CX3CR1: variants seen among roughly 807,000 people sequenced by gnomAD.
The protein encoded by CX3CR1 is CX3C chemokine receptor 1.
For missense variants in CX3CR1, 363 were observed against 432.4 expected, an observed-to-expected ratio of 0.84 and a Z score of 1.42; for synonymous variants, 168 against 178.5, an observed-to-expected ratio of 0.94 and a Z score of 0.47.
rs1326403609 is a variant in CX3CR1, at chr3:39,264,090, G to A, written c.*1352C>T. The A allele has an allele frequency of 6.6e-6, 1 of 152,224 alleles. No homozygotes were observed. The highest frequency in any genetic ancestry group is 6.5e-5 in the Admixed American group (1 of 15,282). The allele number at this position is 152,224 out of a possible 1,614,324, so 9.4% of individuals were successfully genotyped here. A position where few individuals can be genotyped will look rare whatever the true frequency, so the allele number is the denominator to read the frequency against. ...AAGGTGACTGGGAGGGGATATTCAA[G>A]GCAGTCCAGGAGAGTTGGGTTACGG... On this transcript the variant is annotated 3_prime_UTR_variant, in exon 2 of 2. Transcript: ENST00000399220.
At chr3:39,269,791 G>T (rs919633534) in intron 1 of CX3CR1, among the ~76,000 whole-genome samples, 3 of 152,204 alleles carry the variant, frequency 2.0e-5, no homozygotes, top group African/African-American at 4.8e-5. Context: ...GAGTCTCTCA[G>T]TGCTGGCACA....
At chr3:39,273,125 T>C (rs1442387583) in intron 1 of CX3CR1, among the ~76,000 whole-genome samples, 1 of 152,248 alleles carries the variant, frequency 6.6e-6, no homozygotes, top group African/African-American at 2.4e-5. Context: ...TGCAGGATAT[T>C]GCAGGCCACT....
the CX3CR1 span, among the ~76,000 whole-genome samples, chr3:39,290,147 C>T: frequency 2.9e-4 from 44 of 152,298 alleles, no homozygotes; most frequent in South Asian, 7.7e-3. Flanking sequence ...GGAGCATGTC[C>T]TTAATGGGGA....
At chr3:39,291,327 G>A in the CX3CR1 span, among the ~76,000 whole-genome samples, 1 of 152,160 alleles carries the variant, frequency 6.6e-6, no homozygotes. Flanking sequence ...AAAGTGCTGG[G>A]ATTACAGGTG....
At chr3:39,276,502 T>C (rs1185968197) in intron 1 of CX3CR1, among the ~76,000 whole-genome samples, 5 of 152,202 alleles carry the variant, frequency 3.3e-5, no homozygotes, top group Admixed American at 2.0e-4. Flanking sequence ...AATTGTGCCT[T>C]TATCTCTAAA....
At chr3:39,271,830 A>G (rs1048903732) in intron 1 of CX3CR1, among the ~76,000 whole-genome samples, 1 of 152,238 alleles carries the variant, frequency 6.6e-6, no homozygotes, top group Non-Finnish European at 1.5e-5. Flanking sequence ...GCGCTTTTTA[A>G]GGAAGACTGA....
At chr3:39,289,090 G>T in the CX3CR1 span, among the ~76,000 whole-genome samples, 602 of 152,038 alleles carry the variant, frequency 4.0e-3, no homozygotes, top group African/African-American at 0.013. Context: ...GGAGGTGGAG[G>T]TTGCAGTGAG....
At chr3:39,279,771 A>G (rs2040875170) in intron 1 of CX3CR1, among the ~76,000 whole-genome samples, 183 bp downstream of exon 1, 1 of 152,232 alleles carries the variant, frequency 6.6e-6, no homozygotes, top group Admixed American at 6.5e-5. Context: ...GGTTGAGTGT[A>G]TTATAAATGA....
At chr3:39,266,779 G>T in intron 1 of CX3CR1, 1 of 666,362 alleles carries the variant, frequency 1.5e-6, no homozygotes, top group South Asian at 1.5e-5. Flanking sequence ...TGAGCATTTG[G>T]CTCTAGGCAT....
upstream of CX3CR1, among the ~76,000 whole-genome samples, chr3:39,284,384 A>T: frequency 6.6e-6 from 1 of 152,114 alleles, no homozygotes; most frequent in Non-Finnish European, 1.5e-5. Context: ...CTGGTCACGA[A>T]CTCCTGACCT....
chr3:39,281,321 C>T, upstream of CX3CR1: 1 of 910,578 alleles, frequency 1.1e-6, no homozygotes, highest in Non-Finnish European at 1.4e-6. Context: ...CCCCTCCCCA[C>T]CCCACACCAC....
At chr3:39,267,588 CA>C (rs1392155897) in intron 1 of CX3CR1, among the ~76,000 whole-genome samples, 1 of 152,134 alleles carries the variant, frequency 6.6e-6, no homozygotes. Flanking sequence ...CAGTCCCAGG[CA>C]AATCAGGACT....
chr3:39,278,935 T>C (rs2040868866), intron 1 of CX3CR1, among the ~76,000 whole-genome samples: 1 of 152,138 alleles, frequency 6.6e-6, no homozygotes, highest in Non-Finnish European at 1.5e-5. Context: ...TATAACAACA[T>C]ATATCAAAAT....
chr3:39,269,170 A>G (rs2125551464), intron 1 of CX3CR1, among the ~76,000 whole-genome samples: 1 of 151,976 alleles, frequency 6.6e-6, no homozygotes, highest in Middle Eastern at 3.4e-3. Flanking sequence ...AAAAAGTTCT[A>G]TATTTAATTC....
At chr3:39,271,103 G>C (rs1383474725) in intron 1 of CX3CR1, among the ~76,000 whole-genome samples, 1 of 152,176 alleles carries the variant, frequency 6.6e-6, no homozygotes, top group Non-Finnish European at 1.5e-5. Context: ...CCCAAGACTA[G>C]GAGTTCCTAA....
chr3:39,283,227 A>T (rs2040919335), upstream of CX3CR1, among the ~76,000 whole-genome samples: 1 of 152,116 alleles, frequency 6.6e-6, no homozygotes, highest in African/African-American at 2.4e-5. Flanking sequence ...ATATGTGAGG[A>T]GTTTGAGACA....
chr3:39,271,890 G>T (rs956747610), intron 1 of CX3CR1, among the ~76,000 whole-genome samples: 1 of 152,222 alleles, frequency 6.6e-6, no homozygotes, highest in Non-Finnish European at 1.5e-5. Context: ...GATGTTCAAG[G>T]TTTGGGAGCT....
upstream of CX3CR1, among the ~76,000 whole-genome samples, chr3:39,284,835 G>T (rs2040933845): frequency 6.6e-6 from 1 of 152,188 alleles, no homozygotes; most frequent in African/African-American, 2.4e-5. Flanking sequence ...AGCAAGAGGG[G>T]AGCCAAAGCA....
intron 1 of CX3CR1, among the ~76,000 whole-genome samples, chr3:39,268,646 T>C (rs542758990): frequency 1.3e-5 from 2 of 152,294 alleles, no homozygotes; most frequent in East Asian, 3.9e-4. Flanking sequence ...TCGCATCTCT[T>C]TATGTGCCTG....
Sources: gnomAD v4.1 joint callset for allele counts (sites outside exome capture counted in the v4.1 genomes callset) on GRCh38, gnomAD v4.1.1 for gene constraint, MANE v1.5 for transcripts, NCBI Gene and HGNC (gene_info 2026-07-23, HGNC 2026-07-21) for gene names.